Variants in MAP4K3 observed in about 807,000 individuals in gnomAD.
MAP4K3 encodes MAPK/ERK kinase kinase kinase 3.
In MAP4K3, 94 loss-of-function variants were observed where a neutral mutation model predicts 143.5. That is an observed-to-expected ratio of 0.65 (90% CI 0.55 to 0.78). The LOEUF (loss-of-function observed/expected upper bound fraction) is 0.78. Among genes scored for constraint, MAP4K3 ranks in the 30% least tolerant of loss-of-function variants. The pLI, the probability that MAP4K3 is intolerant of heterozygous loss-of-function variation, is 0.00. For synonymous variants in MAP4K3, 416 were observed against 347.2 expected (o/e 1.20, Z -2.20); for missense variants, 1,077 against 1,068.1 (o/e 1.01, Z -0.12).
At chr2:39,406,602 T>C (rs1245183181) in intron 1 of MAP4K3, among the ~76,000 whole-genome samples, 1 of 152,180 alleles carries the variant, frequency 6.6e-6, no homozygotes, top group Non-Finnish European at 1.5e-5. Context: ...AAAAGAACTT[T>C]TGCCCTAGAA....
At chr2:39,367,296 C>A (rs1417576347) in intron 2 of MAP4K3, among the ~76,000 whole-genome samples, 1 of 152,094 alleles carries the variant, frequency 6.6e-6, no homozygotes, top group Admixed American at 6.5e-5. Context: ...AGTCCCAGAA[C>A]TTTAGGAAGC....
intron 3 of MAP4K3, among the ~76,000 whole-genome samples, chr2:39,355,006 TC>T (rs1011802330): frequency 2.0e-5 from 3 of 151,486 alleles, no homozygotes; most frequent in Admixed American, 6.6e-5. Context: ...GCATTTTGGA[TC>T]ATTTGAGCTC....
chr2:39,260,523 T>C (rs1680523942), intron 29 of MAP4K3, 83 bp downstream of exon 29: 2 of 1,133,118 alleles, frequency 1.8e-6, no homozygotes, highest in African/African-American at 1.6e-5. Flanking sequence ...ATGCAGTTTT[T>C]CCTTAGTAAG....
chr2:39,262,455 A>C (rs1680607163), intron 28 of MAP4K3, among the ~76,000 whole-genome samples: 1 of 152,222 alleles, frequency 6.6e-6, no homozygotes, highest in Admixed American at 6.5e-5. Flanking sequence ...ACAGCAACTT[A>C]AATAATTCTC....
chr2:39,300,555 C>G (rs1682467360), intron 15 of MAP4K3, among the ~76,000 whole-genome samples: 1 of 152,178 alleles, frequency 6.6e-6, no homozygotes, highest in Admixed American at 6.5e-5. Flanking sequence ...GCCTTTTGTC[C>G]TCTTCTTAAA....
intron 15 of MAP4K3, chr2:39,302,977 G>C (rs529312564): frequency 9.0e-5 from 15 of 166,676 alleles, no homozygotes; most frequent in South Asian, 4.1e-4. Context: ...AATGAACAAA[G>C]GATGTAACAT....
intron 6 of MAP4K3, among the ~76,000 whole-genome samples, chr2:39,335,601 T>G (rs1290370567): frequency 6.6e-6 from 1 of 152,208 alleles, no homozygotes; most frequent in Non-Finnish European, 1.5e-5. Context: ...CACATTGTTT[T>G]CTCTGCTTGA....
At chr2:39,369,193 G>GTTTTTTTT (rs1553419595) in intron 2 of MAP4K3, among the ~76,000 whole-genome samples, 8 of 37,972 alleles carry the variant, frequency 2.1e-4, no homozygotes, top group African/African-American at 4.6e-4. Context: ...CTTTGGGCTA[G>GTTTTTTTT]TTTTTTTTTT....
chr2:39,276,707 TGTAA>T (rs1475033277), intron 24 of MAP4K3, among the ~76,000 whole-genome samples: 7 of 152,250 alleles, frequency 4.6e-5, no homozygotes, highest in African/African-American at 1.7e-4. Context: ...GTAAGCTTTA[TGTAA>T]GTATTAGCTA....
chr2:39,403,930 C>T (rs1667022144), intron 1 of MAP4K3, among the ~76,000 whole-genome samples: 1 of 151,448 alleles, frequency 6.6e-6, no homozygotes, highest in Non-Finnish European at 1.5e-5. Context: ...CGTGAAGCAC[C>T]CATTCCAGGC....
At chr2:39,390,891 T>C (rs928528234) in intron 1 of MAP4K3, among the ~76,000 whole-genome samples, 7 of 152,138 alleles carry the variant, frequency 4.6e-5, no homozygotes, top group African/African-American at 1.4e-4. Context: ...GGAAAGTCTG[T>C]CTTCAGAAAT....
chr2:39,306,625 ACTTT>A (rs1682715566), intron 15 of MAP4K3, among the ~76,000 whole-genome samples: 2 of 152,048 alleles, frequency 1.3e-5, no homozygotes, highest in Middle Eastern at 3.2e-3. Context: ...ATTTAAATCT[ACTTT>A]TTTTTAAAGG....
chr2:39,400,430 C>T (rs983036141), intron 1 of MAP4K3, among the ~76,000 whole-genome samples: 2 of 151,966 alleles, frequency 1.3e-5, no homozygotes, highest in African/African-American at 4.8e-5. Context: ...AATATTTATG[C>T]CTTCTCTTTT....
intron 7 of MAP4K3, among the ~76,000 whole-genome samples, chr2:39,333,059 A>G (rs116744890): frequency 1.9e-3 from 295 of 152,250 alleles, no homozygotes; most frequent in African/African-American, 6.7e-3. Flanking sequence ...TTAACAACCT[A>G]CAGTTACAAA....
intron 1 of MAP4K3, among the ~76,000 whole-genome samples, chr2:39,425,326 C>A (rs1197273473): frequency 6.6e-6 from 1 of 152,132 alleles, no homozygotes; most frequent in Non-Finnish European, 1.5e-5. Flanking sequence ...AATACAAAGA[C>A]TTGAAAAAGA....
At chr2:39,319,603 T>A (rs572408889) in intron 12 of MAP4K3, among the ~76,000 whole-genome samples, 55 of 152,258 alleles carry the variant, frequency 3.6e-4, no homozygotes, top group Non-Finnish European at 7.4e-4. Context: ...TAGTAAAATC[T>A]CAAGTAATAT....
intron 2 of MAP4K3, among the ~76,000 whole-genome samples, chr2:39,373,925 T>C (rs1666150245): frequency 6.6e-6 from 1 of 152,060 alleles, no homozygotes; most frequent in African/African-American, 2.4e-5. Context: ...CAACAAAAAA[T>C]CCAATCATAC....
chr2:39,325,544 G>A lies in MAP4K3; in HGVS notation c.892C>T (p.His298Tyr). 1 of 1,612,238 alleles carries A rather than the reference G, an allele frequency of 6.2e-7. No homozygotes were observed. The highest frequency in any genetic ancestry group is 8.5e-7 in the Non-Finnish European group (1 of 1,179,312). ...KVNNPDHSTY[H>Y]DFDDDDPEPL... Reference sequence around the variant, plus strand: ...TCAGGATCATCATCATCGAAATCATGGTAAGTGGAATGATCTGGATTATTT... The same window carrying A: ...TCAGGATCATCATCATCGAAATCATAGTAAGTGGAATGATCTGGATTATTT... Residue 298 changes from histidine to tyrosine, a missense_variant, in exon 12 of 34, where the codon CAT becomes TAT. Around this residue, in one of 2 missense-constraint regions of MAP4K3, gnomAD observed 864 missense variants for 801.2 expected, o/e 1.08. Transcript: ENST00000263881.
At chr2:39,315,680 A>C (rs1178776980) in intron 12 of MAP4K3, among the ~76,000 whole-genome samples, 2 of 152,182 alleles carry the variant, frequency 1.3e-5, no homozygotes, top group African/African-American at 4.8e-5. Context: ...TCTTATTTGT[A>C]TGTGCAACAT....
Sources: allele counts gnomAD v4.1 joint callset (sites outside exome capture counted in the v4.1 genomes callset), GRCh38; gene constraint gnomAD v4.1.1; regional missense constraint gnomAD v4.1.1; transcripts MANE v1.5; gene names NCBI Gene and HGNC (gene_info 2026-07-23, HGNC 2026-07-21).